CKAP5: variants seen among roughly 807,000 people sequenced by gnomAD.
CKAP5 encodes the protein cytoskeleton associated protein 5.
In CKAP5, 27 loss-of-function variants were observed where a neutral mutation model predicts 232.8. That is an observed-to-expected ratio of 0.12 (90% CI 0.09 to 0.16). The LOEUF (loss-of-function observed/expected upper bound fraction) is 0.16. Ranked by LOEUF, CKAP5 falls within the 10% of genes least tolerant of loss-of-function variation. CKAP5 has a pLI of 1.00. For synonymous variants in CKAP5, 785 were observed against 841.1 expected (o/e 0.93, Z 1.16); for missense variants, 1,838 against 2,424.7 (o/e 0.76, Z 5.08).
rs373595448 is a variant in CKAP5 at position 46,763,000 on chromosome 11, G to A, written c.3867C>T (p.Ser1289=). ...CCTTGACGACAAGATAGGGGATGAA[G>A]GAAGATGCTTCATTCTCAGTAAGAT... ...EYHLTENEAS[S]FIPYLVVKVG... Residue 1289 remains serine (S), a synonymous_variant, in exon 30 of 44, where the codon TCC becomes TCT. Coordinates refer to ENST00000529230, the MANE Select transcript of CKAP5 (RefSeq NM_001008938.4). 8.7e-6 allele frequency: 14 copies of A among 1,613,616 alleles called. No homozygotes were observed. Among genetic ancestry groups the A allele is most frequent in the Middle Eastern group, 1.6e-4 (1 of 6,084 alleles).
chr11:46,795,847 C>A, intron 12 of CKAP5, 71 bp from the exon 13 acceptor site: 1 of 1,287,790 alleles, frequency 7.8e-7, no homozygotes, highest in Admixed American at 1.8e-5. Context: ...TATTACATTT[C>A]TAAACCACAA....
intron 17 of CKAP5, among the ~76,000 whole-genome samples, chr11:46,784,159 A>C (rs1043686950): frequency 1.3e-5 from 2 of 151,952 alleles, no homozygotes; most frequent in African/African-American, 2.4e-5. Context: ...ACCTGAGGTC[A>C]GGAGTTCGAG....
chr11:46,744,030 C>T lies in CKAP5; in HGVS notation c.6092G>A (p.Arg2031His). The T allele has an allele frequency of 1.2e-6, 2 of 1,612,682 alleles. No homozygotes were observed. Among genetic ancestry groups the T allele is most frequent in the Non-Finnish European group, 1.7e-6 (2 of 1,179,992 alleles). The stretch of plus-strand genomic sequence containing the variant: ...CGGGGGAGTGGGGCAGCTTCATTTG[C>T]GACTGCTCTTTATTCTCTCCAGTCT... ...KKRLERIKSS[R>H]K The change falls in exon 44 of 44, where the codon CGC (arginine) becomes CAC (histidine). Residue 2031 changes from arginine (R) to histidine (H), a missense_variant. This residue lies in a region of CKAP5 where 62 missense variants were observed against 61.1 expected (regional missense o/e 1.01). Transcript: ENST00000529230.
chr11:46,762,982 G>A lies in CKAP5; in HGVS notation c.3885C>T (p.Val1295=), dbSNP rs747379365. 4.3e-6 allele frequency: 7 copies of A among 1,612,802 alleles called. No homozygotes were observed. Among genetic ancestry groups the A allele is most frequent in the East Asian group, 2.2e-5 (1 of 44,870 alleles). The change falls in exon 30 of 44, where the codon GTC becomes GTT. Residue 1295 remains valine, a synonymous_variant. Transcript: ENST00000529230. ...AGAGAGAACACCACATTACCTTGAC[G>A]ACAAGATAGGGGATGAAGGAAGATG... ...NEASSFIPYL[V]VKVGEPKDVI...
chr11:46,813,611 C>T (rs1295216952), intron 4 of CKAP5, among the ~76,000 whole-genome samples: 2 of 152,102 alleles, frequency 1.3e-5, no homozygotes, highest in Non-Finnish European at 2.9e-5. Flanking sequence ...AGCAGTTTGG[C>T]CTCAAGGTTC....
chr11:46,834,599 T>C (rs1032007456), intron 1 of CKAP5, among the ~76,000 whole-genome samples: 2 of 150,688 alleles, frequency 1.3e-5, no homozygotes, highest in African/African-American at 4.9e-5. Context: ...TCCTCTCTGG[T>C]CTAAAACAAA....
intron 18 of CKAP5, among the ~76,000 whole-genome samples, chr11:46,781,975 A>C (rs2065346587): frequency 6.6e-6 from 1 of 151,998 alleles, no homozygotes; most frequent in Admixed American, 6.6e-5. Flanking sequence ...ACAGGCGTAC[A>C]CCACCACACC....
rs1398597998 is a variant in CKAP5 at position 46,743,744 on chromosome 11, G to C, written c.*279C>G. The C allele has an allele frequency of 5.3e-6, 2 of 374,262 alleles. No homozygotes were observed. Among genetic ancestry groups the C allele is most frequent in the African/African-American group, 4.0e-5 (2 of 50,110 alleles). The allele number at this position is 374,262 out of a possible 1,614,324, so 23.2% of individuals were successfully genotyped here. A position where few individuals can be genotyped will look rare whatever the true frequency, so the allele number is the denominator to read the frequency against. ...TACAAATGAGCAATTAAAAAGAAAAGAAAAGGATCTGGGAACTAGACTGAG... is the reference window on the plus strand; with the variant it reads ...TACAAATGAGCAATTAAAAAGAAAACAAAAGGATCTGGGAACTAGACTGAG... On this transcript the variant is annotated 3_prime_UTR_variant, in exon 44 of 44. Transcript: ENST00000529230.
chr11:46,831,372 GCTA>G (rs1424719170), intron 1 of CKAP5, among the ~76,000 whole-genome samples: 1 of 152,004 alleles, frequency 6.6e-6, no homozygotes. Flanking sequence ...CATCCCATAG[GCTA>G]CACTTCACTC....
At position 46,784,498 on chromosome 11, in the gene CKAP5, G is replaced by A; in HGVS notation, c.2144C>T (p.Thr715Ile). The A allele has an allele frequency of 6.2e-7, 1 of 1,613,682 alleles. No homozygotes were observed. The highest frequency in any genetic ancestry group is 8.5e-7 in the Non-Finnish European group (1 of 1,179,684). Residue 715 changes from threonine to isoleucine, a missense_variant, in exon 17 of 44, where the codon ACT becomes ATT. Thr to Ile is a moderately conservative substitution (Grantham distance 89). Transcript: ENST00000529230. ...AIAEACMLPW[T>I]AEQVVSMAFS... is the part of the protein sequence containing the mutation. ...TTCTGTGTCACTAACCTGTTCAGCA[G>A]TCCATGGTAACATACAGGCTTCGGC...
chr11:46,770,140 A>T, intron 25 of CKAP5, 42 bp from the exon 26 acceptor site: 1 of 1,595,610 alleles, frequency 6.3e-7, no homozygotes, highest in Non-Finnish European at 8.6e-7. Context: ...GGTCACATAA[A>T]TGATAAAGTC....
At chr11:46,801,144 G>A in intron 9 of CKAP5, 56 bp downstream of exon 9, 1 of 1,236,026 alleles carries the variant, frequency 8.1e-7, no homozygotes, top group Non-Finnish European at 1.2e-6. Context: ...AGCAAACTAG[G>A]CCTACCATTT....
At chr11:46,770,711 G>C (rs1041966613) in intron 25 of CKAP5, 77 bp downstream of exon 25, 9 of 1,367,874 alleles carry the variant, frequency 6.6e-6, no homozygotes, top group Admixed American at 1.9e-5. Flanking sequence ...TTACAGGCGT[G>C]AGCCACCGTG....
chr11:46,836,887 G>A (rs538141301), intron 1 of CKAP5, among the ~76,000 whole-genome samples: 5 of 152,324 alleles, frequency 3.3e-5, no homozygotes, highest in Non-Finnish European at 5.9e-5. Context: ...GACATAAAGA[G>A]TGAACTTTAA....
chr11:46,765,599 CTTTTTTTTTTTTTTT>C (rs147227678), intron 27 of CKAP5, among the ~76,000 whole-genome samples: 1 of 74,628 alleles, frequency 1.3e-5, no homozygotes, highest in African/African-American at 5.4e-5. Context: ...TTAATGACAT[CTTTTTTTTTTTTTTT>C]TTTTTTTTGA....
At chr11:46,781,817 T>TA (rs899109550) in intron 18 of CKAP5, among the ~76,000 whole-genome samples, 33 of 151,398 alleles carry the variant, frequency 2.2e-4, no homozygotes, top group Admixed American at 1.1e-3. Context: ...CATATATATG[T>TA]AAAAAAAAAT....
intron 1 of CKAP5, among the ~76,000 whole-genome samples, chr11:46,825,693 ACTT>A (rs1483048422): frequency 1.3e-5 from 2 of 152,056 alleles, no homozygotes; most frequent in Non-Finnish European, 2.9e-5. Context: ...TTTGAGAAAA[ACTT>A]CTGCTCCATC....
intron 1 of CKAP5, chr11:46,826,637 C>G (rs534036604): frequency 6.6e-6 from 1 of 152,330 alleles, no homozygotes; most frequent in Non-Finnish European, 1.5e-5. Flanking sequence ...TCACTGGAGC[C>G]GGCATTGTTT....
At chr11:46,771,087 T>C in intron 24 of CKAP5, 105 bp from the exon 25 acceptor site, 1 of 910,944 alleles carries the variant, frequency 1.1e-6, no homozygotes, top group Non-Finnish European at 1.6e-6. Context: ...GAATTAGCTT[T>C]CACACTATAA....
Sources: allele counts gnomAD v4.1 joint callset (sites outside exome capture counted in the v4.1 genomes callset), GRCh38; gene constraint gnomAD v4.1.1; regional missense constraint gnomAD v4.1.1; transcripts MANE v1.5; gene names NCBI Gene and HGNC (gene_info 2026-07-23, HGNC 2026-07-21).